The following ADAMTS17 variants were observed in gnomAD, a reference collection of about 807,000 sequenced individuals.
ADAMTS17 encodes the protein ADAM metallopeptidase with thrombospondin type 1 motif 17.
ADAMTS17 carries 113 observed loss-of-function variants against 141.5 expected under a neutral mutation model. The ratio of observed to expected loss-of-function variants is 0.80; its 90% CI spans 0.69 to 0.93. The LOEUF (loss-of-function observed/expected upper bound fraction) is 0.93. ADAMTS17 is among the 40% of genes least tolerant of loss of function. The probability of loss-of-function intolerance (pLI) is 0.00; values close to 1 mark genes in which losing one functional copy is unlikely to be tolerated. For synonymous variants in ADAMTS17, 768 were observed against 630.6 expected (o/e 1.22, Z -3.27); for missense variants, 1,659 against 1,517.9 (o/e 1.09, Z -1.54).
At chr15:100,148,353 G>A (rs932693633) in intron 10 of ADAMTS17, among the ~76,000 whole-genome samples, 6 of 152,026 alleles carry the variant, frequency 3.9e-5, no homozygotes, top group African/African-American at 1.4e-4. Context: ...ATTTCTTTGT[G>A]TAGATCCATA....
At chr15:100,267,784 T>C (rs1641138525) in intron 4 of ADAMTS17, among the ~76,000 whole-genome samples, 1 of 152,210 alleles carries the variant, frequency 6.6e-6, no homozygotes, top group South Asian at 2.1e-4. Flanking sequence ...ATGGGGTACA[T>C]GAAATATTTT....
chr15:100,204,602 C>T (rs529447660), intron 7 of ADAMTS17, among the ~76,000 whole-genome samples: 1 of 152,242 alleles, frequency 6.6e-6, no homozygotes, highest in Non-Finnish European at 1.5e-5. Context: ...AAAGTTGGAC[C>T]CCTACCTCAC....
At chr15:100,199,201 T>C (rs1450717165) in intron 8 of ADAMTS17, 117 bp downstream of exon 8, 1 of 978,238 alleles carries the variant, frequency 1.0e-6, no homozygotes, top group African/African-American at 1.6e-5. Context: ...GGTCCTTTAT[T>C]GCAGATGCAG....
intron 18 of ADAMTS17, among the ~76,000 whole-genome samples, chr15:100,030,333 T>A (rs1024053721): frequency 6.6e-6 from 1 of 152,194 alleles, no homozygotes; most frequent in Admixed American, 6.5e-5. Context: ...CTTTTGGAAA[T>A]TATGTACTTC....
Position 100,070,381 on chromosome 15 carries a change from A to C in ADAMTS17, c.2138-16327T>G, listed in dbSNP as rs1395091150. 3.3e-5 allele frequency among the ~76,000 whole-genome samples: 5 copies of C among 150,402 alleles called. 1 individual carries two copies. The East Asian group carries it at 9.7e-4, about 29-fold the overall frequency. On this transcript the variant is annotated intron_variant, in intron 15 of 21. Transcript: ENST00000268070. ...ATCCAGGAATTGAACTCAGCTCTGC[A>C]CCAAGTGGACCTAATAGACATCTAT...
intron 7 of ADAMTS17, among the ~76,000 whole-genome samples, chr15:100,249,561 A>G (rs954709976): frequency 7.2e-5 from 11 of 152,192 alleles, no homozygotes; most frequent in Non-Finnish European, 1.2e-4. Flanking sequence ...TGGACCAGAC[A>G]GGCCTTGCCA....
At chr15:100,112,948 T>A (rs139559322) in intron 13 of ADAMTS17, among the ~76,000 whole-genome samples, 2 of 152,292 alleles carry the variant, frequency 1.3e-5, no homozygotes, top group East Asian at 3.9e-4. Flanking sequence ...CTCTGCTCTC[T>A]CTCTAGGCCA....
intron 14 of ADAMTS17, among the ~76,000 whole-genome samples, chr15:100,104,153 G>A (rs76479133): frequency 0.015 from 2,265 of 152,312 alleles, 54 homozygotes; most frequent in African/African-American, 0.052. Context: ...GCAAAGCCGC[G>A]CGTCAGCTGG....
intron 7 of ADAMTS17, among the ~76,000 whole-genome samples, chr15:100,207,222 T>C (rs926697859): frequency 6.6e-6 from 1 of 151,926 alleles, no homozygotes; most frequent in Admixed American, 6.6e-5. Flanking sequence ...TCTTTCCCTC[T>C]CTCCAAGTGA....
chr15:100,059,271 A>G (rs192590448), intron 15 of ADAMTS17, among the ~76,000 whole-genome samples: 2,295 of 152,376 alleles, frequency 0.015, 33 homozygotes, highest in South Asian at 0.064. Flanking sequence ...ATGCCCACGC[A>G]CTGCCTGTGG....
chr15:100,082,441 C>T (rs572108895), intron 15 of ADAMTS17, among the ~76,000 whole-genome samples: 4 of 151,076 alleles, frequency 2.6e-5, no homozygotes, highest in South Asian at 2.1e-4. Flanking sequence ...AGTGCAGTGG[C>T]GTGATCTCAG....
At chr15:100,176,224 AT>A (rs1183764063) in intron 8 of ADAMTS17, among the ~76,000 whole-genome samples, 4 of 152,256 alleles carry the variant, frequency 2.6e-5, no homozygotes, top group Admixed American at 2.6e-4. Context: ...TGATGAATGC[AT>A]GGTGCTTCAA....
intron 8 of ADAMTS17, among the ~76,000 whole-genome samples, chr15:100,165,563 C>A (rs180696702): frequency 6.6e-6 from 1 of 152,334 alleles, no homozygotes; most frequent in Admixed American, 6.5e-5. Flanking sequence ...CCAATGCAGG[C>A]AAACGGCCTT....
intron 6 of ADAMTS17, among the ~76,000 whole-genome samples, chr15:100,256,271 T>G (rs1333210546): frequency 1.3e-5 from 2 of 152,164 alleles, no homozygotes; most frequent in Non-Finnish European, 2.9e-5. Context: ...GAGGCTGACT[T>G]GGATCTGCAT....
chr15:100,263,602 C>T (rs1009937384), intron 4 of ADAMTS17, among the ~76,000 whole-genome samples: 4 of 152,138 alleles, frequency 2.6e-5, no homozygotes, highest in Non-Finnish European at 5.9e-5. Flanking sequence ...GGAAAAAGCC[C>T]ACTGCAGCTG....
intron 4 of ADAMTS17, among the ~76,000 whole-genome samples, chr15:100,278,405 A>T (rs1298668007): frequency 6.6e-6 from 1 of 151,866 alleles, no homozygotes; most frequent in Non-Finnish European, 1.5e-5. Flanking sequence ...AGAGTTGATG[A>T]CTTTGAAGGA....
intron 6 of ADAMTS17, among the ~76,000 whole-genome samples, chr15:100,257,360 C>T (rs569014873): frequency 2.6e-5 from 4 of 152,358 alleles, no homozygotes; most frequent in Non-Finnish European, 4.4e-5. Flanking sequence ...GACTCCACTG[C>T]GGCCTCCCCC....
intron 4 of ADAMTS17, among the ~76,000 whole-genome samples, chr15:100,273,189 G>C (rs1298767245): frequency 6.6e-6 from 1 of 152,004 alleles, no homozygotes; most frequent in Non-Finnish European, 1.5e-5. Flanking sequence ...CTTTGGCTTT[G>C]TTATCAGGGA....
chr15:100,297,101 G>A (rs2044849588), intron 3 of ADAMTS17, among the ~76,000 whole-genome samples: 1 of 152,182 alleles, frequency 6.6e-6, no homozygotes, highest in Non-Finnish European at 1.5e-5. Flanking sequence ...GGAAAGATAA[G>A]TAGGAGTTAA....
Sources: allele counts gnomAD v4.1 joint callset (sites outside exome capture counted in the v4.1 genomes callset), GRCh38; gene constraint gnomAD v4.1.1; transcripts MANE v1.5; gene names NCBI Gene and HGNC (gene_info 2026-07-23, HGNC 2026-07-21).